The following ARHGAP24 variants were observed in gnomAD, a reference collection of about 807,000 sequenced individuals.
ARHGAP24 encodes Rho GTPase activating protein 24.
A neutral mutation model predicts 76.4 loss-of-function variants in ARHGAP24; 50 were observed. That is an observed-to-expected ratio of 0.65 (90% CI 0.52 to 0.83). The LOEUF is 0.83. Among genes scored for constraint, ARHGAP24 ranks in the 40% least tolerant of loss-of-function variants. ARHGAP24 has a pLI of 0.00. For missense variants in ARHGAP24, 930 were observed against 914.2 expected (o/e 1.02, Z -0.22); for synonymous variants, 345 against 323.3 (o/e 1.07, Z -0.72).
At chr4:85,880,406 G>C (rs1386514554) in intron 3 of ARHGAP24, among the ~76,000 whole-genome samples, 2 of 152,164 alleles carry the variant, frequency 1.3e-5, no homozygotes, top group African/African-American at 4.8e-5. Context: ...TGTTTCAGGG[G>C]ATCCCTTGCT....
At chr4:85,924,489 C>T (rs1253282459) in intron 4 of ARHGAP24, among the ~76,000 whole-genome samples, 1 of 152,004 alleles carries the variant, frequency 6.6e-6, no homozygotes, top group Non-Finnish European at 1.5e-5. Context: ...TCTACAACCA[C>T]AATATATTTC....
intron 3 of ARHGAP24, among the ~76,000 whole-genome samples, chr4:85,737,242 A>G (rs1481945619): frequency 6.6e-6 from 1 of 152,104 alleles, no homozygotes; most frequent in East Asian, 1.9e-4. Context: ...CTGGTGCCCA[A>G]ATGTAAAATT....
intron 2 of ARHGAP24, among the ~76,000 whole-genome samples, chr4:85,582,595 G>GA (rs1727662915): frequency 1.3e-5 from 2 of 151,968 alleles, no homozygotes; most frequent in Non-Finnish European, 2.9e-5. Flanking sequence ...ATTTTTCAAT[G>GA]AATTATGTTT....
intron 3 of ARHGAP24, among the ~76,000 whole-genome samples, chr4:85,787,962 G>T (rs1001989803): frequency 6.6e-6 from 1 of 152,138 alleles, no homozygotes; most frequent in Non-Finnish European, 1.5e-5. Context: ...ATTAGAAATG[G>T]GTGTCTAAGA....
intron 2 of ARHGAP24, among the ~76,000 whole-genome samples, chr4:85,590,938 C>T (rs1478677835): frequency 6.6e-6 from 1 of 150,916 alleles, no homozygotes; most frequent in Non-Finnish European, 1.5e-5. Context: ...TTAAAACCAT[C>T]AGTCTTAGTT....
chr4:85,863,622 G>C (rs1732024118), intron 3 of ARHGAP24, among the ~76,000 whole-genome samples: 1 of 152,024 alleles, frequency 6.6e-6, no homozygotes, highest in Non-Finnish European at 1.5e-5. Context: ...ATTGTTGTGA[G>C]TTTGTCTTAC....
Position 85,554,493 on chromosome 4 carries a change from T to A in ARHGAP24, c.-20-16029T>A, listed in dbSNP as rs367875943. Among the ~76,000 whole-genome samples, 7 of 152,258 alleles carry A rather than the reference T, an allele frequency of 4.6e-5. No homozygotes were observed. In the South Asian group the frequency reaches 8.3e-4, roughly 18 times the overall value. On this transcript the variant is annotated intron_variant, in intron 1 of 9. Transcript: ENST00000395184. ...ATAATCCCATATTTCTCGTTTTTAT[T>A]CTTTATTTTTTATTTTTGTTCAAGT...
intron 3 of ARHGAP24, among the ~76,000 whole-genome samples, chr4:85,825,212 A>G (rs149049291): frequency 7.1e-4 from 108 of 152,352 alleles, no homozygotes; most frequent in African/African-American, 2.4e-3. Flanking sequence ...TTGTTTTTCA[A>G]TTGAGATATC....
chr4:85,730,679 G>A (rs533710647), intron 3 of ARHGAP24, among the ~76,000 whole-genome samples: 78 of 152,280 alleles, frequency 5.1e-4, no homozygotes, highest in Non-Finnish European at 6.6e-4. Flanking sequence ...AAAGTGCTGG[G>A]ATTATAGGCG....
In ARHGAP24 at chr4:85,923,651, G is replaced by T; in HGVS notation, c.272G>T (p.Gly91Val). The T allele has an allele frequency of 6.2e-7, 1 of 1,613,646 alleles. No individual in the cohort carries two copies. Among genetic ancestry groups the T allele is most frequent in the Non-Finnish European group, 8.5e-7 (1 of 1,179,758 alleles). Residue 91 changes from glycine to valine, a missense_variant, in exon 4 of 10, where the codon GGC (glycine) becomes GTC (valine). Physicochemically the swap from Gly to Val is moderately radical, Grantham distance 109 (BLOSUM62 -3). Coordinates refer to ENST00000395184, the MANE Select transcript of ARHGAP24 (RefSeq NM_001025616.3). ...GKFLFEVVPGGDRDRMTANHE... is the reference protein window; with the variant it reads ...GKFLFEVVPGVDRDRMTANHE... ...CATTGTTACTGTGTTTTCACAGGAG[G>T]CGATCGAGATCGGATGACAGCAAAT...
At chr4:85,939,127 G>A (rs1290645259) in intron 4 of ARHGAP24, among the ~76,000 whole-genome samples, 1 of 152,126 alleles carries the variant, frequency 6.6e-6, no homozygotes, top group Admixed American at 6.5e-5. Flanking sequence ...GCAAGGAATG[G>A]TGGTGCCTAC....
chr4:85,655,990 G>A (rs1314863231), intron 2 of ARHGAP24, among the ~76,000 whole-genome samples: 1 of 151,956 alleles, frequency 6.6e-6, no homozygotes, highest in Non-Finnish European at 1.5e-5. Flanking sequence ...GTTGCTTCCA[G>A]TAGAATTAAT....
intron 3 of ARHGAP24, among the ~76,000 whole-genome samples, chr4:85,740,037 C>T (rs915860212): frequency 2.0e-5 from 3 of 152,100 alleles, no homozygotes; most frequent in Non-Finnish European, 2.9e-5. Flanking sequence ...TTTTTCAGAT[C>T]GATGGCCTTT....
intron 2 of ARHGAP24, among the ~76,000 whole-genome samples, chr4:85,714,224 A>G (rs996528754): frequency 6.6e-6 from 1 of 152,210 alleles, no homozygotes; most frequent in East Asian, 1.9e-4. Context: ...GGAAATTAAC[A>G]TGGGGTAAAG....
intron 1 of ARHGAP24, among the ~76,000 whole-genome samples, chr4:85,531,949 A>G (rs1456674834): frequency 6.6e-6 from 1 of 152,118 alleles, no homozygotes; most frequent in Non-Finnish European, 1.5e-5. Context: ...TAGAGTCCTC[A>G]GACTTACAGC....
intron 2 of ARHGAP24, among the ~76,000 whole-genome samples, chr4:85,640,838 G>A (rs1334203103): frequency 6.6e-6 from 1 of 152,060 alleles, no homozygotes; most frequent in Non-Finnish European, 1.5e-5. Context: ...AAAGGCCATA[G>A]AGTAACTTAT....
At chr4:85,848,393 C>T (rs1167189673) in intron 3 of ARHGAP24, among the ~76,000 whole-genome samples, 1 of 152,150 alleles carries the variant, frequency 6.6e-6, no homozygotes, top group Non-Finnish European at 1.5e-5. Context: ...TCCAAGTGTT[C>T]TCATTGTTCA....
At chr4:85,762,136 T>C (rs2110073705) in intron 3 of ARHGAP24, among the ~76,000 whole-genome samples, 1 of 152,320 alleles carries the variant, frequency 6.6e-6, no homozygotes, top group African/African-American at 2.4e-5. Context: ...TGAAGTGTCA[T>C]GTGGTTATGG....
chr4:85,747,103 A>G (rs892053410), intron 3 of ARHGAP24, among the ~76,000 whole-genome samples: 1 of 152,192 alleles, frequency 6.6e-6, no homozygotes, highest in Non-Finnish European at 1.5e-5. Context: ...TATAAACAGC[A>G]CTAGAAACAT....
Sources: allele counts gnomAD v4.1 joint callset (sites outside exome capture counted in the v4.1 genomes callset), GRCh38; gene constraint gnomAD v4.1.1; transcripts MANE v1.5; gene names NCBI Gene and HGNC (gene_info 2026-07-23, HGNC 2026-07-21).